Variants in FCHO2 observed in about 807,000 individuals in gnomAD.
FCHO2 encodes F-BAR domain only protein 2.
FCHO2 carries 43 observed loss-of-function variants against 114.1 expected under a neutral mutation model. The observed-to-expected ratio is 0.38, with a 90% CI of 0.30 to 0.49. FCHO2 has a LOEUF of 0.49. Ranked by LOEUF, FCHO2 falls within the 20% of genes least tolerant of loss-of-function variation. The pLI is 0.97. For synonymous variants in FCHO2, 293 were observed against 315.2 expected (o/e 0.93, Z 0.75); for missense variants, 807 against 950.4 (o/e 0.85, Z 1.98).
Position 72,956,096 on chromosome 5 carries a change from G to C in FCHO2, c.-1G>C, listed in dbSNP as rs925128246. ...GCGGAACCCGGCGCGGCGGCGGCACGATGGTCATGGCGTATTTCGTCGAGA... is the reference window on the plus strand; with the variant it reads ...GCGGAACCCGGCGCGGCGGCGGCACCATGGTCATGGCGTATTTCGTCGAGA... On this transcript the variant is annotated 5_prime_UTR_variant, in exon 1 of 26. Transcript: ENST00000430046. The C allele has an allele frequency of 2.6e-6, 4 of 1,540,948 alleles. No homozygotes were observed. In the African/African-American group the frequency reaches 4.2e-5, roughly 16 times the overall value.
chr5:73,066,488 A>G (rs1427532081), intron 18 of FCHO2, among the ~76,000 whole-genome samples: 1 of 151,762 alleles, frequency 6.6e-6, no homozygotes, highest in African/African-American at 2.4e-5. Context: ...GTACATTTTT[A>G]AGACTCTTGA....
Position 73,081,669 on chromosome 5 carries a change from C to T in FCHO2, c.1981-114C>T, listed in dbSNP as rs912569344. On this transcript the variant is annotated intron_variant, in intron 22 of 25. Coordinates refer to ENST00000430046, the MANE Select transcript of FCHO2 (RefSeq NM_138782.3). ...TGCTTCACTCTGCCAACAGATAGTC[C>T]CCTCATTAGATATTTTTGATTTTGT... The T allele has an allele frequency of 4.2e-5, 28 of 670,254 alleles. No homozygotes were observed. In the East Asian group the frequency reaches 8.1e-4, roughly 19 times the overall value. The allele number at this position is 670,254 out of a possible 1,614,324, so 41.5% of individuals were successfully genotyped here. A position where few individuals can be genotyped will look rare whatever the true frequency, so the allele number is the denominator to read the frequency against.
intron 2 of FCHO2, among the ~76,000 whole-genome samples, chr5:72,975,724 G>T (rs1462089901): frequency 6.6e-6 from 1 of 152,010 alleles, no homozygotes; most frequent in Non-Finnish European, 1.5e-5. Flanking sequence ...AGGCTGGTCT[G>T]GAACTCCTGA....
At chr5:72,997,060 ATCT>A (rs757302384) in intron 5 of FCHO2, 3 of 1,299,478 alleles carry the variant, frequency 2.3e-6, no homozygotes, top group Non-Finnish European at 3.3e-6. Flanking sequence ...TCATCCCCTT[ATCT>A]TCTTGTCCTG....
intron 1 of FCHO2, among the ~76,000 whole-genome samples, chr5:72,964,880 A>G (rs986196832): frequency 1.3e-5 from 2 of 152,182 alleles, no homozygotes; most frequent in Non-Finnish European, 2.9e-5. Context: ...TCCAGAAATA[A>G]TTCATAAGCA....
chr5:72,976,617 AT>A (rs1290844430), intron 2 of FCHO2, among the ~76,000 whole-genome samples: 3 of 151,542 alleles, frequency 2.0e-5, no homozygotes, highest in Non-Finnish European at 4.4e-5. Context: ...TGTTCTTACT[AT>A]TTTTTTTAAA....
chr5:73,036,919 A>G (rs538648361), intron 9 of FCHO2, among the ~76,000 whole-genome samples: 15 of 152,304 alleles, frequency 9.8e-5, no homozygotes, highest in African/African-American at 3.6e-4. Flanking sequence ...TTATCTATAA[A>G]GTAAATGTTC....
chr5:72,971,439 A>C (rs1345515352), intron 2 of FCHO2, among the ~76,000 whole-genome samples: 3 of 152,194 alleles, frequency 2.0e-5, no homozygotes, highest in Non-Finnish European at 4.4e-5. Flanking sequence ...ATTTGCATTT[A>C]TCTGATGGCC....
intron 11 of FCHO2, among the ~76,000 whole-genome samples, chr5:73,048,414 C>T (rs913841689): frequency 5.9e-5 from 9 of 152,064 alleles, no homozygotes; most frequent in African/African-American, 2.2e-4. Context: ...CACTGCACTC[C>T]AGCCTGGGTG....
chr5:73,011,859 G>A (rs1029158896), intron 6 of FCHO2, among the ~76,000 whole-genome samples: 6 of 151,860 alleles, frequency 4.0e-5, no homozygotes, highest in Non-Finnish European at 7.4e-5. Flanking sequence ...GCAGTGAGCT[G>A]AGATTGCGCC....
chr5:73,008,207 G>GC (rs1754819422), intron 6 of FCHO2, among the ~76,000 whole-genome samples: 1 of 152,198 alleles, frequency 6.6e-6, no homozygotes, highest in Admixed American at 6.5e-5. Context: ...AGGGTTTTAG[G>GC]CAGGGATGTG....
chr5:73,053,605 G>T (rs747459174), intron 13 of FCHO2, among the ~76,000 whole-genome samples: 5 of 151,292 alleles, frequency 3.3e-5, no homozygotes. Flanking sequence ...TGAGGCAGGA[G>T]AATTGCTTGA....
chr5:73,055,988 GTA>G (rs1257506529), intron 15 of FCHO2, 75 bp from the exon 16 acceptor site: 5 of 968,256 alleles, frequency 5.2e-6, no homozygotes, highest in African/African-American at 5.0e-5. Context: ...TGAGATATGT[GTA>G]TAGAGTTTCT....
At chr5:73,066,393 A>G (rs897279954) in intron 18 of FCHO2, among the ~76,000 whole-genome samples, 4 of 151,984 alleles carry the variant, frequency 2.6e-5, no homozygotes, top group East Asian at 3.9e-4. Context: ...ATTATAAACA[A>G]TGTCTTAATG....
At chr5:73,064,628 T>C (rs1202720202) in intron 18 of FCHO2, among the ~76,000 whole-genome samples, 2 of 152,048 alleles carry the variant, frequency 1.3e-5, no homozygotes, top group African/African-American at 4.8e-5. Flanking sequence ...GGTTGACTGT[T>C]TTAGCTGAAT....
chr5:72,973,468 A>G (rs1229769809), intron 2 of FCHO2, among the ~76,000 whole-genome samples: 1 of 152,126 alleles, frequency 6.6e-6, no homozygotes, highest in Non-Finnish European at 1.5e-5. Flanking sequence ...CATTTCTTCT[A>G]GATTTTCTAG....
chr5:72,981,824 G>A (rs1331706894), intron 2 of FCHO2, among the ~76,000 whole-genome samples: 1 of 152,094 alleles, frequency 6.6e-6, no homozygotes, highest in Non-Finnish European at 1.5e-5. Context: ...CTCTAAACTG[G>A]TTATTCTAGT....
chr5:73,024,779 T>G (rs1413710694), intron 8 of FCHO2, among the ~76,000 whole-genome samples: 2 of 152,050 alleles, frequency 1.3e-5, no homozygotes, highest in Non-Finnish European at 2.9e-5. Context: ...ATCTGTAAAG[T>G]GGGGATAATA....
At chr5:73,045,077 G>A (rs558571604) in intron 11 of FCHO2, among the ~76,000 whole-genome samples, 4 of 152,272 alleles carry the variant, frequency 2.6e-5, no homozygotes, top group African/African-American at 4.8e-5. Context: ...TGCATAGAAG[G>A]TTGCAAAGAT....
Sources: gnomAD v4.1 joint callset for allele counts (sites outside exome capture counted in the v4.1 genomes callset) on GRCh38, gnomAD v4.1.1 for gene constraint, MANE v1.5 for transcripts, NCBI Gene and HGNC (gene_info 2026-07-23, HGNC 2026-07-21) for gene names.